The following GRAMD1A variants were observed in gnomAD, a reference collection of about 807,000 sequenced individuals.
The protein encoded by GRAMD1A is GRAM domain containing 1A, also known as protein Aster-A.
A neutral mutation model predicts 92.0 loss-of-function variants in GRAMD1A; 50 were observed. The observed-to-expected ratio is 0.54, with a 90% confidence interval of 0.43 to 0.69. The LOEUF is 0.69. Among genes scored for constraint, GRAMD1A ranks in the 30% least tolerant of loss-of-function variants. GRAMD1A has a pLI of 0.00. For synonymous variants in GRAMD1A, 405 were observed against 403.6 expected (o/e 1.00, Z -0.04); for missense variants, 819 against 978.9 (o/e 0.84, Z 2.18).
chr19:34,994,911 T>C (rs958696284), intron 1 of GRAMD1A: 1 of 152,306 alleles, frequency 6.6e-6, no homozygotes, highest in African/African-American at 2.4e-5. Context: ...GGGGAAACCC[T>C]TTCTGGTTCC....
At chr19:35,012,619 A>G (rs1432025205) in intron 7 of GRAMD1A, among the ~76,000 whole-genome samples, 1 of 151,754 alleles carries the variant, frequency 6.6e-6, no homozygotes, top group Non-Finnish European at 1.5e-5. Flanking sequence ...CCTTGAACAC[A>G]TGACTTTCCC....
chr19:35,014,120 C>A, intron 9 of GRAMD1A, 69 bp from the exon 10 acceptor site: 1 of 1,382,372 alleles, frequency 7.2e-7, no homozygotes, highest in South Asian at 1.2e-5. Flanking sequence ...TCCTTGTGGC[C>A]AGTGTGGACT....
intron 17 of GRAMD1A, 35 bp from the exon 18 acceptor site, chr19:35,023,200 AC>A: frequency 6.8e-7 from 1 of 1,464,558 alleles, no homozygotes; most frequent in East Asian, 2.3e-5. Flanking sequence ...GAGCATCTAG[AC>A]CCCAGGAATC....
intron 19 of GRAMD1A, chr19:35,023,749 A>T (rs1229933562): frequency 1.9e-6 from 1 of 533,958 alleles, no homozygotes; most frequent in African/African-American, 1.9e-5. Context: ...TGATTGGCTC[A>T]CGTCCTGGAG....
rs997590720 is a variant in GRAMD1A, at chr19:35,009,593, T to A, written c.240+150T>A. 5 of 814,122 alleles carry A rather than the reference T, an allele frequency of 6.1e-6. No homozygotes were observed. In the African/African-American group the frequency reaches 8.4e-5, roughly 14 times the overall value. The allele number at this position is 814,122 out of a possible 1,614,324, so 50.4% of individuals were successfully genotyped here. A position where few individuals can be genotyped will look rare whatever the true frequency, so the allele number is the denominator to read the frequency against. ...TCTATGCTATTATTTATGTGCTGTG[T>A]GACCTTGGGTGAGTTACTTAACCTC... On this transcript the variant is annotated intron_variant, in intron 3 of 19. Coordinates refer to ENST00000317991, the MANE Select transcript of GRAMD1A (RefSeq NM_020895.5).
intron 7 of GRAMD1A, among the ~76,000 whole-genome samples, chr19:35,012,209 C>G (rs1254597775): frequency 2.6e-5 from 4 of 152,342 alleles, no homozygotes; most frequent in Admixed American, 2.0e-4. Context: ...CTCGCCACCC[C>G]CTCTGCCCCC....
chr19:35,016,012 G>A lies in GRAMD1A; in HGVS notation c.1213+45G>A, dbSNP rs143597875. 13 of 1,595,566 alleles carry A rather than the reference G, an allele frequency of 8.1e-6. No individual in the cohort carries two copies. In the African/African-American group the frequency reaches 1.1e-4, roughly 13 times the overall value. On this transcript the variant is annotated intron_variant, in intron 11 of 19. Coordinates refer to ENST00000317991, the MANE Select transcript of GRAMD1A (RefSeq NM_020895.5). ...AGAGGCTGAGGTTACCCAGGTGCAG[G>A]GGAGGGGTGAGGAAGGGTAGCCCAG... is the stretch of plus-strand genomic sequence containing the variant.
chr19:35,007,676 G>A (rs2014922870), intron 1 of GRAMD1A, among the ~76,000 whole-genome samples: 1 of 152,060 alleles, frequency 6.6e-6, no homozygotes, highest in Non-Finnish European at 1.5e-5. Context: ...AGAACAGCCT[G>A]GGCAACATAG....
intron 1 of GRAMD1A, 63 bp from the exon 2 acceptor site, chr19:35,009,056 C>T (rs1047373619): frequency 4.6e-6 from 5 of 1,092,162 alleles, no homozygotes; most frequent in Non-Finnish European, 7.0e-6. Context: ...TGAAAATAGG[C>T]CTGTCCCCGA....
chr19:35,013,303 C>G lies in GRAMD1A; in HGVS notation c.654C>G (p.Gly218=). The change falls in exon 8 of 20, where the codon GGC becomes GGG. Residue 218 remains glycine (G), a synonymous_variant. Transcript: ENST00000317991. This position sits in a 1 kb window ranked among gnomAD's most constrained non-coding sequence, Gnocchi z 4.9. ...GGCACCTGGTGCATCAGTGCTACGG[C>G]TCAGAGCTGGGCCTCACCAGTGAGG... The part of the protein sequence containing the change: ...ELWHLVHQCY[G]SELGLTSEDE... 6.4e-7 allele frequency: 1 copy of G among 1,552,608 alleles called. No individual in the cohort carries two copies. The highest frequency in any genetic ancestry group is 8.7e-7 in the Non-Finnish European group (1 of 1,147,438).
chr19:34,995,968 C>T, upstream of GRAMD1A: 1 of 1,435,300 alleles, frequency 7.0e-7, no homozygotes, highest in Admixed American at 2.3e-5. Flanking sequence ...GAGCTCTATC[C>T]CTCATCTCTT....
chr19:35,014,267 C>T lies in GRAMD1A; in HGVS notation c.949C>T (p.Pro317Ser). Residue 317 changes from proline to serine, a missense_variant, in exon 10 of 20, where the codon CCC (proline) becomes TCC (serine). Physicochemically the swap from Pro to Ser is moderately conservative, Grantham distance 74 (BLOSUM62 -1). This residue lies in a region of GRAMD1A where 577 missense variants were observed against 674.6 expected (regional missense o/e 0.86). Coordinates refer to ENST00000317991, the MANE Select transcript of GRAMD1A (RefSeq NM_020895.5). Reference protein sequence around the residue: ...SSQTVTPVAEPPSTEPTQPDG... With the variant: ...SSQTVTPVAESPSTEPTQPDG... ...CCAGACAGTGACCCCGGTGGCTGAA[C>T]CCCCGAGCACAGAGCCCACCCAGCC... is the stretch of plus-strand genomic sequence containing the variant. The T allele has an allele frequency of 6.2e-7, 1 of 1,614,094 alleles. No homozygotes were observed.
At chr19:35,024,204 A>T (rs1215646552) in intron 19 of GRAMD1A, among the ~76,000 whole-genome samples, 1 of 152,230 alleles carries the variant, frequency 6.6e-6, no homozygotes, top group Non-Finnish European at 1.5e-5. Context: ...TCCTCTGTGC[A>T]CAGGATAATG....
At chr19:35,003,030 C>G (rs903862537) in intron 1 of GRAMD1A, among the ~76,000 whole-genome samples, 10 of 150,040 alleles carry the variant, frequency 6.7e-5, no homozygotes, top group African/African-American at 2.5e-4. Flanking sequence ...GGGAAATTGC[C>G]ATGTGACTGT....
At chr19:35,012,030 G>A (rs550590073) in intron 7 of GRAMD1A, among the ~76,000 whole-genome samples, 1 of 152,334 alleles carries the variant, frequency 6.6e-6, no homozygotes, top group East Asian at 1.9e-4. Context: ...CAGGCCCTAA[G>A]GAGGACAGGG....
upstream of GRAMD1A, among the ~76,000 whole-genome samples, chr19:34,995,474 C>T (rs184418922): frequency 1.0e-3 from 155 of 151,590 alleles, no homozygotes; most frequent in African/African-American, 3.4e-3. Context: ...TATCAGATCT[C>T]GAGTCTCCAA....
chr19:35,013,200 G>T lies in GRAMD1A; in HGVS notation c.607-56G>T. On this transcript the variant is annotated intron_variant, in intron 7 of 19. Coordinates refer to ENST00000317991, the MANE Select transcript of GRAMD1A (RefSeq NM_020895.5). The surrounding 1 kb of genome is among the most constrained non-coding windows in gnomAD (Gnocchi z 4.9). ...GCCGAGGGCTGGTGGGGAATCTGGCGGGCCGGGCTCTGGCTGGGGTGAGAT... is the reference window on the plus strand; with the variant it reads ...GCCGAGGGCTGGTGGGGAATCTGGCTGGCCGGGCTCTGGCTGGGGTGAGAT... 1.1e-6 allele frequency: 1 copy of T among 924,552 alleles called. No individual in the cohort carries two copies. Among genetic ancestry groups the T allele is most frequent in the Non-Finnish European group, 1.7e-6 (1 of 596,894 alleles). 57.3% of individuals were successfully genotyped at this position (924,552 alleles called of 1,614,324 possible).
At chr19:35,005,760 G>A (rs770568144) in intron 1 of GRAMD1A, 7 of 419,346 alleles carry the variant, frequency 1.7e-5, no homozygotes, top group Admixed American at 2.5e-5. Flanking sequence ...GACCCGTGAA[G>A]GACTTGGACC....
chr19:34,996,660 G>T (rs1224221201), upstream of GRAMD1A, among the ~76,000 whole-genome samples: 1 of 152,152 alleles, frequency 6.6e-6, no homozygotes, highest in African/African-American at 2.4e-5. Context: ...CACAAAATTA[G>T]CCAGCGATGG....
Sources: allele counts gnomAD v4.1 joint callset (sites outside exome capture counted in the v4.1 genomes callset), GRCh38; gene constraint gnomAD v4.1.1; regional missense constraint gnomAD v4.1.1; non-coding constraint Gnocchi (gnomAD v3.1); transcripts MANE v1.5; gene names NCBI Gene and HGNC (gene_info 2026-07-23, HGNC 2026-07-21).